PTPRG: variants seen among roughly 807,000 people sequenced by gnomAD.
PTPRG encodes the protein receptor-type tyrosine-protein phosphatase gamma.
A neutral mutation model predicts 165.3 loss-of-function variants in PTPRG; 102 were observed. The ratio of observed to expected loss-of-function variants is 0.62; its 90% CI spans 0.53 to 0.73. PTPRG has a LOEUF of 0.73. Among genes scored for constraint, PTPRG ranks in the 30% least tolerant of loss-of-function variants. PTPRG has a pLI of 0.00. For synonymous variants in PTPRG, 675 were observed against 669.5 expected (o/e 1.01, Z -0.13); for missense variants, 1,866 against 1,861.4 (o/e 1.00, Z -0.05).
At chr3:62,042,162 G>A (rs1237899206) in intron 4 of PTPRG, among the ~76,000 whole-genome samples, 2 of 152,148 alleles carry the variant, frequency 1.3e-5, no homozygotes, top group Non-Finnish European at 2.9e-5. Context: ...AGGATTTGGG[G>A]CAAGCTCAGA....
chr3:61,759,043 T>A (rs1157565024), intron 2 of PTPRG, among the ~76,000 whole-genome samples: 1 of 152,202 alleles, frequency 6.6e-6, no homozygotes, highest in Non-Finnish European at 1.5e-5. Flanking sequence ...GAGTGTAAAG[T>A]GGTGGTGTTA....
At chr3:61,740,448 AGT>A (rs1340743489) in intron 1 of PTPRG, among the ~76,000 whole-genome samples, 1 of 152,180 alleles carries the variant, frequency 6.6e-6, no homozygotes. Context: ...TCTGTTGGAA[AGT>A]GTGTATTTTT....
At chr3:62,047,175 T>C (rs1448178208) in intron 4 of PTPRG, among the ~76,000 whole-genome samples, 2 of 152,232 alleles carry the variant, frequency 1.3e-5, no homozygotes, top group African/African-American at 4.8e-5. Flanking sequence ...TCTTGCCTTA[T>C]GCTGTATTTG....
intron 7 of PTPRG, among the ~76,000 whole-genome samples, chr3:62,164,754 C>T (rs1704903069): frequency 6.6e-6 from 1 of 152,214 alleles, no homozygotes; most frequent in African/African-American, 2.4e-5. Flanking sequence ...CTCATTTTTA[C>T]AGTTATGTGA....
In PTPRG at chr3:62,016,318, T is replaced by C. The variant is rs116624296; in HGVS notation, c.519+12821T>C. On this transcript the variant is annotated intron_variant, in intron 4 of 29. Coordinates refer to ENST00000474889, the MANE Select transcript of PTPRG (RefSeq NM_002841.4). ...GAGTAGCTGGGATTACAGGTGCTTC[T>C]ACTATGCCCAGCGAATTTTTTGTAT... is the stretch of plus-strand genomic sequence containing the variant. Among the ~76,000 whole-genome samples the C allele has an allele frequency of 7.6e-3, 1,159 of 152,186 alleles. 18 individuals carry two copies. Among genetic ancestry groups the C allele is most frequent in the African/African-American group, 0.026 (1,071 of 41,530 alleles).
chr3:61,568,326 GTGA>G (rs1699970623), intron 1 of PTPRG, among the ~76,000 whole-genome samples: 2 of 152,220 alleles, frequency 1.3e-5, no homozygotes, highest in East Asian at 3.9e-4. Context: ...AGGAAAGTCT[GTGA>G]TGATTGAGAT....
At chr3:62,068,661 G>GT (rs1701101198) in intron 4 of PTPRG, among the ~76,000 whole-genome samples, 3 of 151,766 alleles carry the variant, frequency 2.0e-5, no homozygotes, top group Non-Finnish European at 2.9e-5. Context: ...TTTTGTTTTG[G>GT]TTTGGTTTGG....
rs942492562 is a variant in PTPRG, at chr3:62,233,247, G to T, written c.2375+1936G>T. On this transcript the variant is annotated intron_variant, in intron 14 of 29. Transcript: ENST00000474889. This position sits in a 1 kb window ranked among gnomAD's most constrained non-coding sequence, Gnocchi z 4.7. ...GCTAAGTACTCCATGAAAACGATAT[G>T]GGCCAGATACAGATCCTGTCCTCAA... 2.0e-5 allele frequency among the ~76,000 whole-genome samples: 3 copies of T among 152,034 alleles called. No individual in the cohort carries two copies. The highest frequency in any genetic ancestry group is 2.9e-5 in the Non-Finnish European group (2 of 68,002).
intron 1 of PTPRG, among the ~76,000 whole-genome samples, chr3:61,744,621 C>G: frequency 6.6e-6 from 1 of 152,204 alleles, no homozygotes; most frequent in Non-Finnish European, 1.5e-5. Context: ...TATCATGTGG[C>G]ACATTACTTG....
At chr3:62,179,679 C>G (rs1328362151) in intron 8 of PTPRG, among the ~76,000 whole-genome samples, 1 of 152,258 alleles carries the variant, frequency 6.6e-6, no homozygotes, top group Non-Finnish European at 1.5e-5. Context: ...CTTGGGCCCA[C>G]TCTCGGGCAG....
chr3:62,092,114 ACACACACACACACAC>A (rs1559495397), intron 5 of PTPRG, among the ~76,000 whole-genome samples: 8 of 55,806 alleles, frequency 1.4e-4, no homozygotes, highest in Admixed American at 7.0e-4. Flanking sequence ...ACACACACAC[ACACACACACACACAC>A]AATCTGTAAA....
chr3:61,562,180 G>C lies in PTPRG; in HGVS notation c.-108G>C. 1 of 992,648 alleles carries C rather than the reference G, an allele frequency of 1.0e-6. No homozygotes were observed. The highest frequency in any genetic ancestry group is 1.4e-5 in the South Asian group (1 of 72,160). 61.5% of individuals were successfully genotyped at this position (992,648 alleles called of 1,614,324 possible). A position where few individuals can be genotyped will look rare whatever the true frequency, so the allele number is the denominator to read the frequency against. On this transcript the variant is annotated 5_prime_UTR_variant, in exon 1 of 30. Transcript: ENST00000474889. ...GCCGAGCGCGGGGGGCCCGTGGAGC[G>C]GGCGAGCCGGGGAAGCGCCCCGGCT...
intron 4 of PTPRG, among the ~76,000 whole-genome samples, chr3:62,070,530 C>T (rs1196952337): frequency 6.6e-6 from 1 of 152,238 alleles, no homozygotes; most frequent in Non-Finnish European, 1.5e-5. Flanking sequence ...CACAGCCTTG[C>T]ACTGCACAGA....
At chr3:62,212,966 A>G (rs763076489) in intron 12 of PTPRG, among the ~76,000 whole-genome samples, 1 of 152,174 alleles carries the variant, frequency 6.6e-6, no homozygotes, top group Non-Finnish European at 1.5e-5. Flanking sequence ...CATCATCTGG[A>G]TGAACCAGAG....
intron 2 of PTPRG, among the ~76,000 whole-genome samples, chr3:61,941,537 C>T (rs901153862): frequency 3.3e-5 from 5 of 152,182 alleles, no homozygotes; most frequent in African/African-American, 1.2e-4. Context: ...GCAGGGGAAT[C>T]TCTTGAACCC....
chr3:61,682,909 G>A (rs563511071), intron 1 of PTPRG, among the ~76,000 whole-genome samples: 1 of 152,350 alleles, frequency 6.6e-6, no homozygotes, highest in African/African-American at 2.4e-5. Context: ...CCAGAAAAAG[G>A]CAAGGGGAAG....
chr3:61,971,320 T>C (rs2040378136), intron 2 of PTPRG, among the ~76,000 whole-genome samples: 2 of 151,846 alleles, frequency 1.3e-5, no homozygotes, highest in South Asian at 4.2e-4. Flanking sequence ...TGGAAGTACT[T>C]ACCTGGCCAT....
chr3:62,253,738 T>C (rs1701474114), intron 15 of PTPRG, among the ~76,000 whole-genome samples: 4 of 152,210 alleles, frequency 2.6e-5, no homozygotes, highest in Admixed American at 2.6e-4. Context: ...GCAAAATGAT[T>C]GCATATTCAT....
At chr3:61,780,693 A>C (rs1488506792) in intron 2 of PTPRG, among the ~76,000 whole-genome samples, 1 of 152,298 alleles carries the variant, frequency 6.6e-6, no homozygotes, top group African/African-American at 2.4e-5. Context: ...TTAGCCATTT[A>C]TATGATCTGC....
Sources: gnomAD v4.1 joint callset for allele counts (sites outside exome capture counted in the v4.1 genomes callset) on GRCh38, gnomAD v4.1.1 for gene constraint, Gnocchi (gnomAD v3.1) non-coding constraint, MANE v1.5 for transcripts, NCBI Gene and HGNC (gene_info 2026-07-23, HGNC 2026-07-21) for gene names.